XKR6: variants seen among roughly 807,000 people sequenced by gnomAD.
XKR6 encodes XK-related protein 6.
In XKR6, 22 loss-of-function variants were observed where a neutral mutation model predicts 56.7. The ratio of observed to expected loss-of-function variants is 0.39; its 90% CI spans 0.28 to 0.55. XKR6 has a LOEUF of 0.55. Among genes scored for constraint, XKR6 ranks in the 20% least tolerant of loss-of-function variants. The probability of loss-of-function intolerance (pLI) is 0.66; values close to 1 mark genes in which losing one functional copy is unlikely to be tolerated. For synonymous variants in XKR6, 524 were observed against 387.8 expected (o/e 1.35, Z -4.13); for missense variants, 852 against 889.0 (o/e 0.96, Z 0.53).
chr8:11,123,833 G>A lies in XKR6; in HGVS notation c.764+76743C>T, dbSNP rs774998197. ...CACTATTTGGAAATAAACACACCAA[G>A]GCAGTTCCAGTGTCCCGTGGTCCCC... On this transcript the variant is annotated intron_variant, in intron 1 of 2. Transcript: ENST00000416569. 41 of 456,090 alleles carry A rather than the reference G, an allele frequency of 9.0e-5. 1 individual carries two copies. The highest frequency in any genetic ancestry group is 1.5e-4 in the Non-Finnish European group (34 of 226,954). The allele number at this position is 456,090 out of a possible 1,614,324, so 28.3% of individuals were successfully genotyped here.
rs79213828 is a variant in XKR6, at chr8:11,077,499, A to AGGAG, written c.764+123073_764+123076dup. On this transcript the variant is annotated intron_variant, in intron 1 of 2. Coordinates refer to ENST00000416569, the MANE Select transcript of XKR6 (RefSeq NM_173683.4). ...CTCTCTACATGCAGCTCACTCAAGG[A>AGGAG]GGAGGGCATGGGAGAAAGCTGGTGG... Among the ~76,000 whole-genome samples the AGGAG allele has an allele frequency of 1.0e-2, 1,522 of 152,230 alleles. 18 individuals carry two copies. Among genetic ancestry groups the AGGAG allele is most frequent in the Non-Finnish European group, 0.014 (962 of 68,012 alleles).
chr8:11,147,821 T>C (rs935350389), intron 1 of XKR6, among the ~76,000 whole-genome samples: 1 of 152,302 alleles, frequency 6.6e-6, no homozygotes, highest in African/African-American at 2.4e-5. Flanking sequence ...TATTACAGGC[T>C]GAACTGACCC....
intron 1 of XKR6, among the ~76,000 whole-genome samples, chr8:11,136,379 C>A (rs1800395620): frequency 1.3e-5 from 2 of 152,142 alleles, no homozygotes; most frequent in Non-Finnish European, 2.9e-5. Flanking sequence ...TGGCGGGTGC[C>A]CGCAATCCCA....
intron 1 of XKR6, among the ~76,000 whole-genome samples, chr8:11,155,340 G>A (rs186162579): frequency 1.0e-3 from 156 of 152,286 alleles, no homozygotes; most frequent in African/African-American, 3.7e-3. Context: ...GTTTAAAACT[G>A]AAGGGAAAAA....
chr8:10,977,624 G>T (rs1377782250), intron 1 of XKR6, among the ~76,000 whole-genome samples: 1 of 148,706 alleles, frequency 6.7e-6, no homozygotes, highest in East Asian at 2.0e-4. Flanking sequence ...CTGTTGCTGT[G>T]ACCGCTCTCA....
Position 10,898,024 on chromosome 8 carries a change from G to C in XKR6, c.1854C>G (p.Pro618=). ...CTCGATATCGAATGCCTACTGCGGT[G>C]GGGGTGACATATTGTAGAATGTTAA... ...RTINILQYVT[P]TAVGIRYRDG... Residue 618 remains proline (P), a synonymous_variant, in exon 3 of 3, where the codon CCC becomes CCG. Transcript: ENST00000416569. This position sits in a 1 kb window ranked among gnomAD's most constrained non-coding sequence, Gnocchi z 6.6. 1 of 1,613,756 alleles carries C rather than the reference G, an allele frequency of 6.2e-7. No individual in the cohort carries two copies. The highest frequency in any genetic ancestry group is 8.5e-7 in the Non-Finnish European group (1 of 1,179,818).
intron 1 of XKR6, chr8:11,062,954 A>C (rs890514143): frequency 1.2e-5 from 5 of 420,446 alleles, no homozygotes; most frequent in African/African-American, 1.0e-4. Flanking sequence ...CTAGAAGTGA[A>C]GGACTCCAGA....
chr8:11,091,993 T>C (rs1798087358), intron 1 of XKR6, among the ~76,000 whole-genome samples: 1 of 152,170 alleles, frequency 6.6e-6, no homozygotes, highest in Non-Finnish European at 1.5e-5. Flanking sequence ...GGTTCAGAAT[T>C]TTTTCGCCCT....
At chr8:10,954,866 C>CTCTTTTTTTTTTTTTTTTTTTTTTTTTT (rs1563309729) in intron 1 of XKR6, among the ~76,000 whole-genome samples, 1 of 92,794 alleles carries the variant, frequency 1.1e-5, no homozygotes, top group Non-Finnish European at 2.2e-5. Flanking sequence ...ACTTCATTCT[C>CTCTTTTTTTTTTTTTTTTTTTTTTTTTT]TTTTTTTTTT....
chr8:11,014,879 C>T (rs1260887280), intron 1 of XKR6, among the ~76,000 whole-genome samples: 2 of 152,164 alleles, frequency 1.3e-5, no homozygotes, highest in African/African-American at 2.4e-5. Context: ...CAAGATGGAC[C>T]CACACTGCTG....
intron 1 of XKR6, among the ~76,000 whole-genome samples, chr8:11,090,376 C>A (rs1798026056): frequency 6.6e-6 from 1 of 151,820 alleles, no homozygotes; most frequent in Admixed American, 6.6e-5. Context: ...GTGTGAGCCA[C>A]TGCACCCACT....
rs970982567 is a variant in XKR6, at chr8:11,001,668, G to A, written c.765-76838C>T. ...TGAGGGTTGTAGCCGTTGCTGCACC[G>A]CAAAAGCTCAGGCAGAGTTAGAACA... On this transcript the variant is annotated intron_variant, in intron 1 of 2. Transcript: ENST00000416569. Among the ~76,000 whole-genome samples, 13 of 152,286 alleles carry A rather than the reference G, an allele frequency of 8.5e-5. No homozygotes were observed. The East Asian group carries it at 1.5e-3, about 18-fold the overall frequency.
At chr8:11,135,096 G>A (rs1274449701) in intron 1 of XKR6, among the ~76,000 whole-genome samples, 1 of 150,290 alleles carries the variant, frequency 6.7e-6, no homozygotes, top group Admixed American at 6.6e-5. Context: ...GCAGTGGCAC[G>A]ATCTTGGCTC....
chr8:11,133,496 G>A (rs926067966), intron 1 of XKR6, among the ~76,000 whole-genome samples: 5 of 152,174 alleles, frequency 3.3e-5, no homozygotes, highest in East Asian at 3.9e-4. Flanking sequence ...AAGACCTTTC[G>A]GAGTATGGAC....
chr8:10,987,045 C>T (rs981493398), intron 1 of XKR6, among the ~76,000 whole-genome samples: 35 of 152,016 alleles, frequency 2.3e-4, no homozygotes, highest in Non-Finnish European at 2.4e-4. Context: ...CCACTTCAGC[C>T]TCCCAAGTCA....
chr8:10,984,049 T>A (rs1797796622), intron 1 of XKR6, among the ~76,000 whole-genome samples: 1 of 152,184 alleles, frequency 6.6e-6, no homozygotes, highest in Non-Finnish European at 1.5e-5. Flanking sequence ...GGAATATTAT[T>A]GCAAAACTCT....
At position 10,918,186 on chromosome 8, in the gene XKR6, G is replaced by T. The variant is rs181946031; in HGVS notation, c.961+6448C>A. The stretch of plus-strand genomic sequence containing the variant: ...CCATATGTGTGTTTCTCACTATCAG[G>T]GTCCTGGGGAGCTGGAGGGTCCTTG... On this transcript the variant is annotated intron_variant, in intron 2 of 2. Transcript: ENST00000416569. Among the ~76,000 whole-genome samples, 428 of 152,274 alleles carry T rather than the reference G, an allele frequency of 2.8e-3. 9 individuals are homozygous for T. The highest frequency in any genetic ancestry group is 6.9e-4 in the Non-Finnish European group (47 of 68,032).
At chr8:10,905,552 A>G (rs1234211984) in intron 2 of XKR6, among the ~76,000 whole-genome samples, 1 of 152,098 alleles carries the variant, frequency 6.6e-6, no homozygotes, top group Non-Finnish European at 1.5e-5. Context: ...ATGGCATTGT[A>G]CCCCAGTAGG....
chr8:11,020,231 G>A (rs1218765955), intron 1 of XKR6, among the ~76,000 whole-genome samples: 1 of 152,116 alleles, frequency 6.6e-6, no homozygotes, highest in African/African-American at 2.4e-5. Context: ...GTGGAGCCAG[G>A]GCTTGGCCAG....
Sources: allele counts gnomAD v4.1 joint callset (sites outside exome capture counted in the v4.1 genomes callset), GRCh38; gene constraint gnomAD v4.1.1; non-coding constraint Gnocchi (gnomAD v3.1); transcripts MANE v1.5; gene names NCBI Gene and HGNC (gene_info 2026-07-23, HGNC 2026-07-21).